Variants in CCDC3 observed in about 807,000 individuals in gnomAD.
CCDC3 encodes the protein coiled-coil domain-containing protein 3.
Under a neutral mutation model 21.4 loss-of-function variants are expected in CCDC3, and 24 were observed. The ratio of observed to expected loss-of-function variants is 1.12; its 90% CI spans 0.81 to 1.58. The LOEUF (loss-of-function observed/expected upper bound fraction) is 1.58, where lower values mean the gene tolerates loss of function less well. Ranked by LOEUF, CCDC3 falls within the 40% of genes most tolerant of loss-of-function variation. CCDC3 has a pLI of 0.00. For missense variants in CCDC3, 425 were observed against 360.9 expected, an observed-to-expected ratio of 1.18 and a Z score of -1.44; for synonymous variants, 186 against 166.0, an observed-to-expected ratio of 1.12 and a Z score of -0.93.
chr10:12,964,658 T>C (rs887312141), intron 2 of CCDC3, among the ~76,000 whole-genome samples: 2 of 152,198 alleles, frequency 1.3e-5, no homozygotes, highest in Admixed American at 1.3e-4. Context: ...ATTTCCTCAC[T>C]GTTTGAAATT....
upstream of CCDC3, chr10:13,001,762 C>A (rs1268999441): frequency 1.7e-5 from 4 of 234,358 alleles, no homozygotes; most frequent in African/African-American, 9.3e-5. Context: ...GGACTGGACG[C>A]GCCGGGCGCC....
intron 4 of CCDC3, among the ~76,000 whole-genome samples, chr10:13,072,344 G>C (rs752981395): frequency 1.3e-5 from 2 of 151,472 alleles, no homozygotes; most frequent in African/African-American, 2.4e-5. Context: ...AGTTAATTTT[G>C]GTCATCATCC....
chr10:13,082,717 C>T (rs1490707458), intron 3 of CCDC3, among the ~76,000 whole-genome samples: 2 of 152,246 alleles, frequency 1.3e-5, no homozygotes. Context: ...AAGGAGCCCT[C>T]TAGTGGCCCT....
upstream of CCDC3, chr10:13,001,785 T>G (rs1440920145): frequency 4.0e-5 from 7 of 174,176 alleles, no homozygotes; most frequent in Non-Finnish European, 7.9e-5. Context: ...CCTCCCGCCC[T>G]GCCCCCTGCG....
chr10:13,075,277 A>G (rs1836948859), intron 3 of CCDC3, among the ~76,000 whole-genome samples: 1 of 152,204 alleles, frequency 6.6e-6, no homozygotes, highest in East Asian at 1.9e-4. Context: ...TGTTTTGCGT[A>G]TCACTGTATC....
At chr10:12,920,682 A>G (rs577089528) in intron 2 of CCDC3, among the ~76,000 whole-genome samples, 2 of 152,354 alleles carry the variant, frequency 1.3e-5, no homozygotes, top group South Asian at 4.1e-4. Context: ...AGAAGTTTTG[A>G]ACACGTATCT....
chr10:13,054,798 C>A (rs1479392586), intron 4 of CCDC3, among the ~76,000 whole-genome samples: 1 of 152,148 alleles, frequency 6.6e-6, no homozygotes, highest in Non-Finnish European at 1.5e-5. Flanking sequence ...TCCCAAGTAG[C>A]TGGGATTACA....
At chr10:12,937,630 G>A (rs988376357) in intron 2 of CCDC3, among the ~76,000 whole-genome samples, 6 of 152,138 alleles carry the variant, frequency 3.9e-5, no homozygotes, top group Admixed American at 3.3e-4. Flanking sequence ...GAGCCCATAA[G>A]CTTCCTCAGA....
rs945442544 is a variant in CCDC3, at chr10:12,989,047, G to A, written c.549+9291C>T. ...TTAGTCACTCTCCAAAGTCCAGATC[G>A]AGCCCCCTCAATCCAGAGTCTCCTG... On this transcript the variant is annotated intron_variant, in intron 2 of 2. Coordinates refer to ENST00000378825, the MANE Select transcript of CCDC3 (RefSeq NM_031455.4). Among the ~76,000 whole-genome samples the A allele has an allele frequency of 4.6e-5, 7 of 152,214 alleles. No individual in the cohort carries two copies. The South Asian group carries it at 6.2e-4, about 14-fold the overall frequency.
At chr10:12,999,899 C>T (rs991200640) in intron 1 of CCDC3, among the ~76,000 whole-genome samples, 2 of 152,150 alleles carry the variant, frequency 1.3e-5, no homozygotes, top group Admixed American at 6.5e-5. Flanking sequence ...GTCTCACTGG[C>T]TTTATTTAGA....
At chr10:12,985,147 A>C (rs1338759457) in intron 2 of CCDC3, among the ~76,000 whole-genome samples, 1 of 152,170 alleles carries the variant, frequency 6.6e-6, no homozygotes, top group East Asian at 1.9e-4. Context: ...TATGAAATCT[A>C]CTCTTATCCA....
At chr10:12,982,183 T>C (rs1373980668) in intron 2 of CCDC3, among the ~76,000 whole-genome samples, 1 of 132,830 alleles carries the variant, frequency 7.5e-6, no homozygotes, top group African/African-American at 2.9e-5. Flanking sequence ...TCAAAAGCCA[T>C]GGTCACACGC....
chr10:13,039,422 C>CAA lies in CCDC3; in HGVS notation c.-2+10250_-2+10251dup, dbSNP rs5783301. Among the ~76,000 whole-genome samples the CAA allele has an allele frequency of 2.6e-3, 351 of 137,638 alleles. 1 individual carries two copies. The highest frequency in any genetic ancestry group is 5.2e-3 in the Admixed American group (72 of 13,906). The allele number at this position is 137,638 out of a possible 152,430, so 90.3% of individuals were successfully genotyped here. On this transcript the variant is annotated intron_variant, in intron 5 of 6. Transcript: ENST00000378839. Reference sequence around the variant, plus strand: ...TGGGCGACAGAACAAGACTCTGTCTCAAAAAAAAAAAAAGGTACTTCCAGA... The same window carrying CAA: ...TGGGCGACAGAACAAGACTCTGTCTCAAAAAAAAAAAAAAAGGTACTTCCAGA...
intron 2 of CCDC3, among the ~76,000 whole-genome samples, chr10:12,990,418 C>G (rs190772874): frequency 1.1e-4 from 17 of 152,278 alleles, no homozygotes; most frequent in Admixed American, 1.1e-3. Flanking sequence ...GTCTCAAGTT[C>G]TGAGATGAAC....
intron 3 of CCDC3, among the ~76,000 whole-genome samples, chr10:13,083,955 A>T (rs1837073190): frequency 6.6e-6 from 1 of 151,812 alleles, no homozygotes; most frequent in Non-Finnish European, 1.5e-5. Context: ...CTAAATGCTG[A>T]TTTTTTTTTC....
At chr10:12,960,168 A>AACACACACACACACACACAC (rs10626900) in intron 2 of CCDC3, among the ~76,000 whole-genome samples, 45 of 148,746 alleles carry the variant, frequency 3.0e-4, no homozygotes, top group African/African-American at 5.0e-4. Context: ...ACACACACAC[A>AACACACACACACACACACAC]ACACACACAC....
At chr10:13,039,389 C>G (rs1836419999) in intron 5 of CCDC3, among the ~76,000 whole-genome samples, 1 of 150,972 alleles carries the variant, frequency 6.6e-6, no homozygotes, top group African/African-American at 2.4e-5. Context: ...TGCCACTGCA[C>G]TCCAGCCTGG....
In CCDC3 at chr10:13,088,493, A is replaced by G. The variant is rs977034820; in HGVS notation, c.-503+10032T>C. 3.9e-5 allele frequency among the ~76,000 whole-genome samples: 6 copies of G among 152,220 alleles called. No individual in the cohort carries two copies. In the South Asian group the frequency reaches 8.3e-4, roughly 21 times the overall value. ...TAATTAGCACAAGTCTCCAAGGAGC[A>G]TGAATCATATTGAGAAATAGGTTTT... On this transcript the variant is annotated intron_variant, in intron 3 of 6. Coordinates refer to the CCDC3 transcript ENST00000378839.
intron 2 of CCDC3, among the ~76,000 whole-genome samples, chr10:12,933,877 GATTTT>G (rs375765070): frequency 2.5e-3 from 381 of 152,058 alleles, no homozygotes; most frequent in African/African-American, 8.6e-3. Context: ...GAGGTTTATT[GATTTT>G]ATTTATCTTT....
Sources: gnomAD v4.1 joint callset for allele counts (sites outside exome capture counted in the v4.1 genomes callset) on GRCh38, gnomAD v4.1.1 for gene constraint, MANE v1.5 for transcripts, NCBI Gene and HGNC (gene_info 2026-07-23, HGNC 2026-07-21) for gene names.